Variants in FRMPD4 observed in about 807,000 individuals in gnomAD.
The protein encoded by FRMPD4 is FERM and PDZ domain containing 4.
In FRMPD4, 22 loss-of-function variants were observed where a neutral mutation model predicts 94.1. The observed-to-expected ratio is 0.23, with a 90% CI of 0.17 to 0.33. The LOEUF (loss-of-function observed/expected upper bound fraction) is 0.33. Ranked by LOEUF, FRMPD4 falls within the 10% of genes least tolerant of loss-of-function variation. The pLI, the probability that FRMPD4 is intolerant of heterozygous loss-of-function variation, is 1.00. For missense variants in FRMPD4, 1,111 were observed against 1,339.9 expected, an observed-to-expected ratio of 0.83 and a Z score of 2.67; for synonymous variants, 631 against 548.6, an observed-to-expected ratio of 1.15 and a Z score of -2.10.
At chrX:12,442,931 A>G (rs967219135) in intron 1 of FRMPD4, among the ~76,000 whole-genome samples, 1 of 112,107 alleles carries the variant, frequency 8.9e-6, no homozygotes, top group African/African-American at 3.2e-5. Context: ...ACATGATGCA[A>G]CTTAGATGGA....
intron 3 of FRMPD4, among the ~76,000 whole-genome samples, chrX:12,090,897 G>A (rs767115601): frequency 3.6e-5 from 4 of 112,393 alleles, no homozygotes; most frequent in Non-Finnish European, 7.5e-5. Flanking sequence ...TTGGAGGAGA[G>A]AGACTAATTA....
chrX:12,340,266 G>A (rs1176484034), intron 1 of FRMPD4, among the ~76,000 whole-genome samples: 4 of 112,558 alleles, frequency 3.6e-5, no homozygotes, highest in African/African-American at 1.3e-4. Flanking sequence ...TCAATACTTA[G>A]CATTTTTCAG....
intron 1 of FRMPD4, among the ~76,000 whole-genome samples, chrX:12,472,322 A>G (rs1266768451): frequency 8.9e-6 from 1 of 112,147 alleles, no homozygotes; most frequent in Non-Finnish European, 1.9e-5. Context: ...TATAAAAGCT[A>G]AATATGTGCA....
chrX:11,884,512 A>G (rs1042443932), intron 3 of FRMPD4, among the ~76,000 whole-genome samples: 3 of 111,406 alleles, frequency 2.7e-5, no homozygotes, highest in African/African-American at 9.8e-5. Flanking sequence ...GTGTGTGTAT[A>G]TATGTGTATG....
chrX:12,558,330 G>C (rs1188748633), intron 2 of FRMPD4, among the ~76,000 whole-genome samples: 1 of 112,415 alleles, frequency 8.9e-6, no homozygotes, highest in Non-Finnish European at 1.9e-5. Context: ...AAAAGTATAG[G>C]GTCATGCCTA....
At chrX:12,281,015 T>G (rs1332112777) in intron 1 of FRMPD4, among the ~76,000 whole-genome samples, 3 of 112,188 alleles carry the variant, frequency 2.7e-5, no homozygotes, top group African/African-American at 9.7e-5. Context: ...ACCTTCTCTC[T>G]TCCATTACAT....
intron 1 of FRMPD4, among the ~76,000 whole-genome samples, chrX:12,480,541 C>CT (rs1222379926): frequency 1.8e-5 from 2 of 111,359 alleles, no homozygotes; most frequent in Non-Finnish European, 3.8e-5. Flanking sequence ...ATGCATTCAC[C>CT]TGTGCTCTAG....
chrX:11,848,967 C>G (rs2053603195), intron 1 of FRMPD4, among the ~76,000 whole-genome samples: 1 of 110,858 alleles, frequency 9.0e-6, no homozygotes, highest in Non-Finnish European at 1.9e-5. Context: ...AGCAATAAAG[C>G]AAGAAAAAGG....
intron 1 of FRMPD4, among the ~76,000 whole-genome samples, chrX:12,409,316 A>G (rs770239259): frequency 4.5e-5 from 5 of 111,643 alleles, no homozygotes; most frequent in South Asian, 3.8e-4. Flanking sequence ...GCTGAACACC[A>G]TATAGTAAAG....
At chrX:12,195,727 A>C (rs897538864) in intron 1 of FRMPD4, among the ~76,000 whole-genome samples, 2 of 111,657 alleles carry the variant, frequency 1.8e-5, no homozygotes, top group African/African-American at 6.5e-5. Context: ...CCAGCCAAGG[A>C]CCAACCCTGC....
chrX:12,719,432 C>T (rs1458775901), intron 16 of FRMPD4, among the ~76,000 whole-genome samples: 1 of 112,353 alleles, frequency 8.9e-6, no homozygotes, highest in Non-Finnish European at 1.9e-5. Flanking sequence ...TTCTGTATCC[C>T]ACCTTCACCA....
Position 12,066,246 on chromosome X carries a change from T to C in FRMPD4, c.95+188228T>C, listed in dbSNP as rs191610389. On this transcript the variant is annotated intron_variant, in intron 3 of 18. Coordinates refer to the FRMPD4 transcript ENST00000640291. ...CAAGTCATCTTCTGTTCCCAAAATA[T>C]ACACTATGTAGTTTTAGGATCTTTA... 2.7e-5 allele frequency among the ~76,000 whole-genome samples: 3 copies of C among 112,160 alleles called. No individual in the cohort carries two copies. The East Asian group carries it at 8.3e-4, about 31-fold the overall frequency.
At chrX:12,580,753 G>A (rs1021614447) in intron 2 of FRMPD4, among the ~76,000 whole-genome samples, 1 of 111,462 alleles carries the variant, frequency 9.0e-6, no homozygotes, top group East Asian at 2.8e-4. Context: ...GGATTATTGA[G>A]CCATGACACT....
chrX:12,688,369 C>A (rs766223423), intron 7 of FRMPD4, among the ~76,000 whole-genome samples: 1 of 112,018 alleles, frequency 8.9e-6, no homozygotes, highest in Non-Finnish European at 1.9e-5. Flanking sequence ...CTCTTTATTA[C>A]GGAACATATG....
intron 3 of FRMPD4, among the ~76,000 whole-genome samples, chrX:12,017,529 G>A (rs746352178): frequency 2.7e-5 from 3 of 112,032 alleles, no homozygotes; most frequent in Admixed American, 9.4e-5. Flanking sequence ...GAAAGAGCTC[G>A]TTCAGGCCCA....
At chrX:11,961,634 G>A (rs1443016459) in intron 3 of FRMPD4, among the ~76,000 whole-genome samples, 14 of 111,572 alleles carry the variant, frequency 1.3e-4, no homozygotes, top group Non-Finnish European at 2.3e-4. Flanking sequence ...ATCTCAATAA[G>A]CCCCTTCACT....
intron 2 of FRMPD4, among the ~76,000 whole-genome samples, chrX:12,513,436 G>A (rs1243766134): frequency 9.0e-6 from 1 of 111,723 alleles, no homozygotes; most frequent in Non-Finnish European, 1.9e-5. Context: ...TCTACATATG[G>A]CTAGCCAGTT....
intron 7 of FRMPD4, among the ~76,000 whole-genome samples, chrX:12,688,534 G>C (rs1230019200): frequency 7.2e-5 from 8 of 111,577 alleles, no homozygotes; most frequent in Admixed American, 2.9e-4. Context: ...AGGAGAAATA[G>C]TATAGTTATG....
At chrX:12,195,963 T>TGACG (rs1233622556) in intron 1 of FRMPD4, among the ~76,000 whole-genome samples, 2 of 112,031 alleles carry the variant, frequency 1.8e-5, no homozygotes, top group African/African-American at 6.5e-5. Context: ...GTTTATGGAA[T>TGACG]GACGGAATGG....
Sources: allele counts gnomAD v4.1 joint callset (sites outside exome capture counted in the v4.1 genomes callset), GRCh38; gene constraint gnomAD v4.1.1; transcripts MANE v1.5; gene names NCBI Gene and HGNC (gene_info 2026-07-23, HGNC 2026-07-21).